Variants in EFCAB7 observed in about 807,000 individuals in gnomAD.
EFCAB7 encodes EF-hand calcium-binding domain-containing protein 7.
EFCAB7 carries 66 observed loss-of-function variants against 77.1 expected under a neutral mutation model. That is an observed-to-expected ratio of 0.86 (90% confidence interval 0.70 to 1.05). EFCAB7 has a LOEUF of 1.05. Among genes scored for constraint, EFCAB7 ranks in the 50% least tolerant of loss-of-function variants. The probability of loss-of-function intolerance (pLI) is 0.00; values close to 1 mark genes in which losing one functional copy is unlikely to be tolerated. For missense variants in EFCAB7, 638 were observed against 730.5 expected (o/e 0.87, Z 1.46); for synonymous variants, 225 against 243.3 (o/e 0.92, Z 0.70).
downstream of EFCAB7, among the ~76,000 whole-genome samples, chr1:63,575,309 T>C (rs1647381037): frequency 6.6e-6 from 1 of 152,078 alleles, no homozygotes. Flanking sequence ...TAGACTTTTT[T>C]TTAAAAAAGT....
At chr1:63,525,194 T>C (rs1431839194) in intron 1 of EFCAB7, among the ~76,000 whole-genome samples, 4 of 152,206 alleles carry the variant, frequency 2.6e-5, no homozygotes, top group East Asian at 1.9e-4. Flanking sequence ...AAGACTGTCA[T>C]CTGACTTTCG....
At chr1:63,554,278 C>A (rs977337594) in intron 8 of EFCAB7, among the ~76,000 whole-genome samples, 1 of 152,148 alleles carries the variant, frequency 6.6e-6, no homozygotes, top group Non-Finnish European at 1.5e-5. Context: ...TTATAGGAAA[C>A]CTTTGGGCTC....
chr1:63,568,520 G>C lies in EFCAB7; in HGVS notation c.1707+1G>C, dbSNP rs1647196065. 1.2e-6 allele frequency: 2 copies of C among 1,601,154 alleles called. No homozygotes were observed. Among genetic ancestry groups the C allele is most frequent in the Non-Finnish European group, 1.7e-6 (2 of 1,175,060 alleles). On this transcript the variant is annotated splice_donor_variant, in intron 12 of 13. Transcript: ENST00000371088. LOFTEE classifies it high-confidence loss of function. The stretch of plus-strand genomic sequence containing the variant: ...GATAACGTCAGTTATTGAAAACAAG[G>C]TATCAATTATGAGGTGGTTTTCCTC...
At chr1:63,570,966 TTGTC>T (rs1228605913) in intron 12 of EFCAB7, 51 bp from the exon 13 acceptor site, 8 of 1,281,280 alleles carry the variant, frequency 6.2e-6, no homozygotes, top group African/African-American at 3.0e-5. Flanking sequence ...AGGCTTATAT[TTGTC>T]TGTAATTATT....
At chr1:63,539,741 A>G (rs1646805879) in intron 6 of EFCAB7, among the ~76,000 whole-genome samples, 1 of 152,168 alleles carries the variant, frequency 6.6e-6, no homozygotes, top group African/African-American at 2.4e-5. Flanking sequence ...TACCATTCCA[A>G]ATAGGTAAAT....
Position 63,525,570 on chromosome 1 carries a change from A to G in EFCAB7, c.-1-2A>G. 6.7e-7 allele frequency: 1 copy of G among 1,484,926 alleles called. No individual in the cohort carries two copies. Among genetic ancestry groups the G allele is most frequent in the Non-Finnish European group, 8.9e-7 (1 of 1,121,678 alleles). The allele number at this position is 1,484,926 out of a possible 1,614,324, so 92.0% of individuals were successfully genotyped here. A position where few individuals can be genotyped will look rare whatever the true frequency, so the allele number is the denominator to read the frequency against. ...ACACATTTTTAAATTATTTTCCAATAGAATGGCGATCAGTCCACGAAGCGA... is the reference window on the plus strand; with the variant it reads ...ACACATTTTTAAATTATTTTCCAATGGAATGGCGATCAGTCCACGAAGCGA... On this transcript the variant is annotated splice_acceptor_variant, in intron 1 of 13. Transcript: ENST00000371088. LOFTEE classifies it low-confidence loss of function (5UTR_SPLICE).
intron 2 of EFCAB7, chr1:63,529,804 G>A (rs1039076648): frequency 4.0e-5 from 6 of 151,800 alleles, no homozygotes; most frequent in Admixed American, 1.3e-4. Context: ...GCTCAATCTC[G>A]GCTTACTGCA....
intron 2 of EFCAB7, among the ~76,000 whole-genome samples, chr1:63,531,188 T>C (rs1236925357): frequency 6.6e-6 from 1 of 152,040 alleles, no homozygotes; most frequent in Admixed American, 6.5e-5. Context: ...AGTACTTAAG[T>C]TCCCCTTCCC....
rs1432044749 is a variant in EFCAB7 at position 63,558,939 on chromosome 1, C to A, written c.1348+1692C>A. ...GGCTCATGCCTATAATCCTAGCACT[C>A]TGGAAGGCTAAGGCAGTAGGATTAC... On this transcript the variant is annotated intron_variant, in intron 10 of 13. Transcript: ENST00000371088. Among the ~76,000 whole-genome samples, 3 of 150,988 alleles carry A rather than the reference C, an allele frequency of 2.0e-5. No homozygotes were observed. The East Asian group carries it at 5.9e-4, about 30-fold the overall frequency.
chr1:63,531,873 A>C lies in EFCAB7; in HGVS notation c.241A>C (p.Thr81Pro), dbSNP rs1169072900. 1 of 1,613,336 alleles carries C rather than the reference A, an allele frequency of 6.2e-7. No homozygotes were observed. Among genetic ancestry groups the C allele is most frequent in the Admixed American group, 1.7e-5 (1 of 59,980 alleles). Residue 81 changes from threonine (T) to proline (P), a missense_variant, in exon 3 of 14, where the codon ACT becomes CCT. Thr to Pro is a conservative substitution (Grantham distance 38). Coordinates refer to ENST00000371088, the MANE Select transcript of EFCAB7 (RefSeq NM_032437.4). ...PSQKTINKYW[T>P]PQTAKLNFDD... is the part of the protein sequence containing the mutation. ...CCAAAAGACCATTAATAAGTATTGG[A>C]CTCCTCAAACTGCCAAACTGAATTT...
chr1:63,578,755 T>G, the EFCAB7 span, among the ~76,000 whole-genome samples: 1 of 151,706 alleles, frequency 6.6e-6, no homozygotes, highest in African/African-American at 2.4e-5. Context: ...AAGCAATAGA[T>G]CAATCATATA....
In EFCAB7 at chr1:63,545,973, A is replaced by G; in HGVS notation, c.862A>G (p.Ile288Val). The change falls in exon 7 of 14, where the codon ATT (isoleucine) becomes GTT (valine). Residue 288 changes from isoleucine (I) to valine (V), a missense_variant. By Grantham distance (29) the Ile-to-Val change is conservative. Transcript: ENST00000371088. ...CFFLEEDGEI[I>V]SHQYRMQIAQ... ...CTTCTTAGAAGAAGATGGTGAAATC[A>G]TTAGTCATCAGTACAGGATGCAAAT... 6.2e-7 allele frequency: 1 copy of G among 1,613,946 alleles called. No individual in the cohort carries two copies. The highest frequency in any genetic ancestry group is 8.5e-7 in the Non-Finnish European group (1 of 1,179,858).
At chr1:63,573,121 T>TA (rs1264720706), downstream of EFCAB7, among the ~76,000 whole-genome samples, 2 of 152,028 alleles carry the variant, frequency 1.3e-5, no homozygotes, top group African/African-American at 4.8e-5. Flanking sequence ...CTTATATTAA[T>TA]AAGAAAAATA....
Position 63,551,718 on chromosome 1 carries a change from T to C in EFCAB7, c.947-7T>C. 1.4e-6 allele frequency: 2 copies of C among 1,477,002 alleles called. No individual in the cohort carries two copies. The highest frequency in any genetic ancestry group is 1.8e-6 in the Non-Finnish European group (2 of 1,103,416). The allele number at this position is 1,477,002 out of a possible 1,614,324, so 91.5% of individuals were successfully genotyped here. ...TAAGGTGTTTGGGCTTTTTTTTTTG[T>C]TTGTAGGAAAACCATCCCCTTGGTT... is the stretch of plus-strand genomic sequence containing the variant. On this transcript the variant is annotated splice_region_variant and splice_polypyrimidine_tract_variant and intron_variant, in intron 7 of 13. Coordinates refer to ENST00000371088, the MANE Select transcript of EFCAB7 (RefSeq NM_032437.4).
chr1:63,557,056 C>A, intron 9 of EFCAB7, 58 bp from the exon 10 acceptor site: 1 of 1,360,778 alleles, frequency 7.3e-7, no homozygotes, highest in Non-Finnish European at 9.7e-7. Context: ...AAAAAAAACC[C>A]TTCTTCAGCG....
At chr1:63,528,929 A>T (rs1646645266) in intron 2 of EFCAB7, among the ~76,000 whole-genome samples, 2 of 152,004 alleles carry the variant, frequency 1.3e-5, no homozygotes, top group Non-Finnish European at 2.9e-5. Context: ...ATCTTTGCAC[A>T]CTAAGCCTTT....
intron 4 of EFCAB7, 81 bp from the exon 5 acceptor site, chr1:63,533,373 C>A: frequency 1.0e-6 from 1 of 998,040 alleles, no homozygotes; most frequent in Non-Finnish European, 1.5e-6. Flanking sequence ...CTGTTCCTTG[C>A]CTACTAATGT....
intron 10 of EFCAB7, among the ~76,000 whole-genome samples, chr1:63,561,202 A>G (rs1374930114): frequency 1.3e-5 from 2 of 152,214 alleles, no homozygotes; most frequent in Non-Finnish European, 2.9e-5. Flanking sequence ...CTTGGGGACA[A>G]TTTAGCTAAA....
At chr1:63,546,145 G>A in intron 7 of EFCAB7, 88 bp downstream of exon 7, 1 of 1,392,430 alleles carries the variant, frequency 7.2e-7, no homozygotes, top group Non-Finnish European at 9.8e-7. Flanking sequence ...GTCCTAGTTA[G>A]GGAAGAAAAT....
Sources: gnomAD v4.1 joint callset for allele counts (sites outside exome capture counted in the v4.1 genomes callset) on GRCh38, gnomAD v4.1.1 for gene constraint, MANE v1.5 for transcripts, NCBI Gene and HGNC (gene_info 2026-07-23, HGNC 2026-07-21) for gene names.